NNT: variants seen among roughly 807,000 people sequenced by gnomAD.
The protein encoded by NNT is NAD(P) transhydrogenase, mitochondrial.
NNT carries 50 observed loss-of-function variants against 104.8 expected under a neutral mutation model. That is an observed-to-expected ratio of 0.48 (90% CI 0.38 to 0.60). The LOEUF is 0.60. NNT is among the 20% of genes least tolerant of loss of function. The pLI is 0.00. For missense variants in NNT, 1,131 were observed against 1,330.7 expected, an observed-to-expected ratio of 0.85 and a Z score of 2.33; for synonymous variants, 461 against 490.4, an observed-to-expected ratio of 0.94 and a Z score of 0.79.
intron 10 of NNT, chr5:43,648,126 T>C: frequency 2.5e-6 from 3 of 1,184,630 alleles, no homozygotes; most frequent in Non-Finnish European, 3.2e-6. Context: ...TGTATCTAAC[T>C]CTCTCACCAG....
At chr5:43,660,306 T>C (rs1740287495) in intron 17 of NNT, among the ~76,000 whole-genome samples, 1 of 150,194 alleles carries the variant, frequency 6.7e-6, no homozygotes, top group Non-Finnish European at 1.5e-5. Flanking sequence ...GTCAGCATGA[T>C]GGTTTTTTAA....
chr5:43,684,217 ATTT>A (rs34939917), intron 19 of NNT, among the ~76,000 whole-genome samples: 5 of 144,020 alleles, frequency 3.5e-5, no homozygotes, highest in African/African-American at 5.1e-5. Context: ...TTCTTTCATA[ATTT>A]TTTTTTTTTT....
At chr5:43,680,210 C>G (rs942666893) in intron 19 of NNT, among the ~76,000 whole-genome samples, 4 of 151,660 alleles carry the variant, frequency 2.6e-5, no homozygotes, top group African/African-American at 9.7e-5. Flanking sequence ...TAGCTTTTCA[C>G]AGGAGAAATG....
chr5:43,644,489 G>C, intron 8 of NNT, 122 bp from the exon 9 acceptor site: 1 of 1,109,206 alleles, frequency 9.0e-7, no homozygotes, highest in East Asian at 2.6e-5. Flanking sequence ...TTATGGGTAT[G>C]TATGTATATT....
intron 7 of NNT, among the ~76,000 whole-genome samples, chr5:43,638,265 C>T (rs1344639114): frequency 6.6e-6 from 1 of 152,096 alleles, no homozygotes; most frequent in Non-Finnish European, 1.5e-5. Context: ...CAGTCTCGGC[C>T]AGCAATTTAT....
intron 13 of NNT, 79 bp from the exon 14 acceptor site, chr5:43,652,939 G>T: frequency 1.9e-6 from 2 of 1,063,648 alleles, no homozygotes; most frequent in Non-Finnish European, 2.7e-6. Flanking sequence ...ATTCCTAATT[G>T]GCAGGAAAAT....
At chr5:43,625,959 A>T (rs1750339694) in intron 6 of NNT, among the ~76,000 whole-genome samples, 1 of 152,122 alleles carries the variant, frequency 6.6e-6, no homozygotes, top group South Asian at 2.1e-4. Context: ...GATCATGAAG[A>T]TCTTTCCTTA....
In NNT at chr5:43,675,615, C is replaced by T. The variant is rs1399380554; in HGVS notation, c.2739C>T (p.Asn913=). 1.2e-6 allele frequency: 2 copies of T among 1,612,258 alleles called. No homozygotes were observed. The highest frequency in any genetic ancestry group is 1.7e-6 in the Non-Finnish European group (2 of 1,179,330). The change falls in exon 18 of 22, where the codon AAC becomes AAT. Residue 913 remains asparagine, a synonymous_variant. Coordinates refer to ENST00000344920, the MANE Select transcript of NNT (RefSeq NM_182977.3). ...TTTCTGGCACACATACGGAAATCAA[C>T]CTTGACAATGCAATTGACATGATTC... ...MEISGTHTEI[N]LDNAIDMIRE... is the part of the protein sequence containing the mutation.
chr5:43,696,543 C>T (rs554130586), intron 19 of NNT, among the ~76,000 whole-genome samples: 1 of 152,342 alleles, frequency 6.6e-6, no homozygotes, highest in African/African-American at 2.4e-5. Context: ...CACAGCTCCA[C>T]TAGGTGGTGC....
Position 43,675,500 on chromosome 5 carries a change from TG to T in NNT, c.2635-9del, listed in dbSNP as rs774274513. ...TGTTAAACTCTCACAGCTGATAATTTGGCTTTCTAGGCAATGAATCGCTCCC... is the reference window on the plus strand; with the variant it reads ...TGTTAAACTCTCACAGCTGATAATTTGCTTTCTAGGCAATGAATCGCTCCC... On this transcript the variant is annotated splice_polypyrimidine_tract_variant and intron_variant, in intron 17 of 21. Transcript: ENST00000344920. 6.2e-7 allele frequency: 1 copy of T among 1,605,028 alleles called. No individual in the cohort carries two copies. Among genetic ancestry groups the T allele is most frequent in the South Asian group, 1.1e-5 (1 of 89,210 alleles).
At chr5:43,651,370 A>G (rs1027411049) in intron 12 of NNT, among the ~76,000 whole-genome samples, 3 of 152,048 alleles carry the variant, frequency 2.0e-5, no homozygotes, top group Non-Finnish European at 4.4e-5. Flanking sequence ...TGAGGTCAGG[A>G]GTTCGAGACC....
chr5:43,692,149 A>G (rs965882787), intron 19 of NNT, among the ~76,000 whole-genome samples: 4 of 152,220 alleles, frequency 2.6e-5, no homozygotes, highest in Admixed American at 2.6e-4. Flanking sequence ...ATTATAGATC[A>G]GTTTTCATTG....
chr5:43,661,665 G>T (rs1740370682), intron 17 of NNT, among the ~76,000 whole-genome samples: 1 of 147,994 alleles, frequency 6.8e-6, no homozygotes, highest in African/African-American at 2.5e-5. Flanking sequence ...TCGGTGTTTG[G>T]TTTTTTGTTC....
intron 15 of NNT, 152 bp from the exon 16 acceptor site, chr5:43,656,501 G>A: frequency 3.2e-6 from 2 of 629,550 alleles, no homozygotes; most frequent in Non-Finnish European, 5.1e-6. Flanking sequence ...AATTTGCATG[G>A]AGGGACTAGT....
At chr5:43,646,400 T>C (rs1269493517) in intron 10 of NNT, among the ~76,000 whole-genome samples, 2 of 151,904 alleles carry the variant, frequency 1.3e-5, no homozygotes, top group African/African-American at 4.8e-5. Flanking sequence ...AGGAAGCTTC[T>C]CACTTCAGCC....
intron 17 of NNT, among the ~76,000 whole-genome samples, chr5:43,661,667 T>G (rs1330944491): frequency 2.0e-5 from 3 of 149,524 alleles, no homozygotes; most frequent in African/African-American, 7.4e-5. Flanking sequence ...GGTGTTTGGT[T>G]TTTTGTTCTT....
chr5:43,657,046 C>T (rs1256546824), intron 16 of NNT, among the ~76,000 whole-genome samples: 3 of 152,120 alleles, frequency 2.0e-5, no homozygotes, highest in African/African-American at 7.2e-5. Context: ...CATGAGACAC[C>T]TTTATTGCTC....
intron 3 of NNT, 126 bp downstream of exon 3, chr5:43,613,263 A>G: frequency 1.4e-6 from 1 of 707,968 alleles, no homozygotes; most frequent in Non-Finnish European, 2.3e-6. Context: ...ATTTTTCTCA[A>G]AGAAATGACT....
rs368843051 is a variant in NNT, at chr5:43,693,564, A to T, written c.2877-6555A>T. Among the ~76,000 whole-genome samples the T allele has an allele frequency of 4.6e-5, 7 of 152,350 alleles. No homozygotes were observed. The South Asian group carries it at 8.3e-4, about 18-fold the overall frequency. ...TACTGAATATAGCTTGTATTACTAC[A>T]TGAAAAGTATGCACATAAATTGTCA... On this transcript the variant is annotated intron_variant, in intron 19 of 21. Transcript: ENST00000344920.
Sources: gnomAD v4.1 joint callset for allele counts (sites outside exome capture counted in the v4.1 genomes callset) on GRCh38, gnomAD v4.1.1 for gene constraint, MANE v1.5 for transcripts, NCBI Gene and HGNC (gene_info 2026-07-23, HGNC 2026-07-21) for gene names.